Variants in CCL3L3 observed in about 807,000 individuals in gnomAD.
CCL3L3 encodes the protein C-C motif chemokine ligand 3 like 3.
In CCL3L3, 6 loss-of-function variants were observed where a neutral mutation model predicts 9.0. The observed-to-expected ratio is 0.67, with a 90% CI of 0.37 to 1.32. The LOEUF (loss-of-function observed/expected upper bound fraction) is 1.32, where lower values mean the gene tolerates loss of function less well. Ranked by LOEUF, CCL3L3 falls within the 40% of genes most tolerant of loss-of-function variation. The pLI, the probability that CCL3L3 is intolerant of heterozygous loss-of-function variation, is 0.02. For synonymous variants in CCL3L3, 38 were observed against 45.7 expected (o/e 0.83, Z 0.68); for missense variants, 93 against 117.0 (o/e 0.79, Z 0.95).
At chr17:36,196,403 T>C (rs1716292838) in intron 1 of CCL3L3, 195 bp downstream of exon 1, 1 of 772,832 alleles carries the variant, frequency 1.3e-6, no homozygotes, top group African/African-American at 1.6e-5. Flanking sequence ...TAGATTCTCA[T>C]ACCTGGAGAC....
At chr17:36,195,466 T>G (rs2068610574) in intron 2 of CCL3L3, 90 bp from the exon 3 acceptor site, 1 of 1,497,318 alleles carries the variant, frequency 6.7e-7, no homozygotes, top group African/African-American at 1.3e-5. Flanking sequence ...CTCTCTGTCC[T>G]GGGCAGCTCA....
rs201343647 is a variant in CCL3L3, at chr17:36,195,296, A to G, written c.272T>C (p.Leu91Pro). The G allele has an allele frequency of 0.19, 303,264 of 1,556,908 alleles. 10,161 individuals carry two copies. The highest frequency in any genetic ancestry group is 0.36 in the East Asian group (15,158 of 42,316). ...WVQKYVSDLE[L>P]SA ...AAGCTTCTGGACCCCTCAGGCACTC[A>G]GCTCCAGGTCACTGACGTATTTCTG... Residue 91 changes from leucine to proline, a missense_variant, in exon 3 of 3, where the codon CTG (leucine) becomes CCG (proline). Transcript: ENST00000619989.
chr17:36,195,553 C>T, intron 2 of CCL3L3, 177 bp from the exon 3 acceptor site: 1 of 1,079,210 alleles, frequency 9.3e-7, no homozygotes. Context: ...GGCAAGGGGG[C>T]CCTCAGAGTG....
chr17:36,196,725 G>A lies in CCL3L3; in HGVS notation c.-52C>T, dbSNP rs575747417. The A allele has an allele frequency of 2.2e-5, 34 of 1,542,610 alleles. No individual in the cohort carries two copies. In the African/African-American group the frequency reaches 3.9e-4, roughly 18 times the overall value. On this transcript the variant is annotated 5_prime_UTR_variant, in exon 1 of 3. Transcript: ENST00000619989. Reference sequence around the variant, plus strand: ...GCTCGAGTGTCAGCAGAGCCAAGAAGGGACTGACTACTCTTTGCTGCCTGC... The same window carrying A: ...GCTCGAGTGTCAGCAGAGCCAAGAAAGGACTGACTACTCTTTGCTGCCTGC...
At position 36,195,503 on chromosome 17, in the gene CCL3L3, C is replaced by G. The variant is rs1251411838; in HGVS notation, c.192-127G>C. On this transcript the variant is annotated intron_variant, in intron 2 of 2. Transcript: ENST00000619989. ...GGCCTGCTCCTCTCTCAGGGGCCCCCTGCCTATCTCCGTCTAGAGAGCTTC... is the reference window on the plus strand; with the variant it reads ...GGCCTGCTCCTCTCTCAGGGGCCCCGTGCCTATCTCCGTCTAGAGAGCTTC... 4.0e-5 allele frequency: 52 copies of G among 1,311,224 alleles called. 3 individuals are homozygous for G. In the African/African-American group the frequency reaches 6.2e-4, roughly 16 times the overall value. The allele number at this position is 1,311,224 out of a possible 1,614,324, so 81.2% of individuals were successfully genotyped here. A position where few individuals can be genotyped will look rare whatever the true frequency, so the allele number is the denominator to read the frequency against.
chr17:36,196,474 T>C (rs2068622105), intron 1 of CCL3L3, 124 bp downstream of exon 1: 1 of 1,190,508 alleles, frequency 8.4e-7, no homozygotes, highest in Non-Finnish European at 1.2e-6. Flanking sequence ...AAGACCAAGG[T>C]GTTTGGCAGC....
intron 1 of CCL3L3, chr17:36,196,192 C>A (rs1333607761): frequency 3.2e-6 from 2 of 632,082 alleles, no homozygotes; most frequent in African/African-American, 1.7e-5. Context: ...AGAAGTCATA[C>A]CCCAGCCCAA....
At chr17:36,195,540 C>G in intron 2 of CCL3L3, 164 bp from the exon 3 acceptor site, 1 of 1,130,198 alleles carries the variant, frequency 8.8e-7, no homozygotes, top group Admixed American at 1.8e-5. Context: ...CTCAGTGACT[C>G]CAGGCAAGGG....
intron 2 of CCL3L3, 50 bp downstream of exon 2, chr17:36,195,748 C>G: frequency 1.9e-6 from 3 of 1,567,270 alleles, no homozygotes; most frequent in South Asian, 2.2e-5. Context: ...TCTGCCCCCA[C>G]CCTGACACTC....
At position 36,196,580 on chromosome 17, in the gene CCL3L3, A is replaced by C. The variant is rs749551915; in HGVS notation, c.76+18T>G. On this transcript the variant is annotated intron_variant, in intron 1 of 2. Transcript: ENST00000619989. ...TGGCCAGAGAGTGGTGATACCCACAACAACAACATGGACTCACGTGGTGCA... is the reference window on the plus strand; with the variant it reads ...TGGCCAGAGAGTGGTGATACCCACACCAACAACATGGACTCACGTGGTGCA... The C allele has an allele frequency of 4.4e-6, 7 of 1,580,566 alleles. No homozygotes were observed. The East Asian group carries it at 1.6e-4, about 35-fold the overall frequency.
At chr17:36,195,667 G>A in intron 2 of CCL3L3, 131 bp downstream of exon 2, 1 of 1,284,914 alleles carries the variant, frequency 7.8e-7, no homozygotes, top group Non-Finnish European at 1.1e-6. Context: ...TCACACCTCA[G>A]TGCCCTGCGT....
At chr17:36,196,235 A>G in intron 1 of CCL3L3, 1 of 640,270 alleles carries the variant, frequency 1.6e-6, no homozygotes, top group Non-Finnish European at 2.9e-6. Context: ...TAAGACATCC[A>G]AGGGACAGGG....
chr17:36,195,510 T>G (rs1439976219), intron 2 of CCL3L3, 134 bp from the exon 3 acceptor site: 1 of 1,273,740 alleles, frequency 7.9e-7, no homozygotes, highest in African/African-American at 1.4e-5. Flanking sequence ...CCCCTGCCTA[T>G]CTCCGTCTAG....
intron 1 of CCL3L3, 143 bp downstream of exon 1, chr17:36,196,455 G>T (rs1299093395): frequency 2.9e-6 from 3 of 1,052,170 alleles, no homozygotes; most frequent in East Asian, 2.4e-5. Context: ...AATAAAAGTT[G>T]TGAAGAAAAA....
intron 2 of CCL3L3, 189 bp from the exon 3 acceptor site, chr17:36,195,565 C>T (rs1448838389): frequency 1.9e-6 from 2 of 1,031,926 alleles, no homozygotes; most frequent in African/African-American, 2.8e-5. Context: ...CTCAGAGTGT[C>T]CTGCTGCCTC....
intron 1 of CCL3L3, 157 bp downstream of exon 1, chr17:36,196,441 T>C (rs1202375970): frequency 1.0e-6 from 1 of 980,962 alleles, no homozygotes; most frequent in East Asian, 2.5e-5. Context: ...CTTCTAGAGA[T>C]AAAAATAAAA....
chr17:36,196,609 A>G lies in CCL3L3; in HGVS notation c.65T>C (p.Leu22Pro). The G allele has an allele frequency of 6.3e-7, 1 of 1,581,266 alleles. No individual in the cohort carries two copies. Among genetic ancestry groups the G allele is most frequent in the South Asian group, 1.1e-5 (1 of 89,130 alleles). ...LCTMALCNQVLSAPLAADTPT... is the reference protein window; with the variant it reads ...LCTMALCNQVPSAPLAADTPT... ...CAACATGGACTCACGTGGTGCAGAGAGGACCTGGTTGCAGAGAGCCATGGT... is the reference window on the plus strand; with the variant it reads ...CAACATGGACTCACGTGGTGCAGAGGGGACCTGGTTGCAGAGAGCCATGGT... The change falls in exon 1 of 3, where the codon CTC (leucine) becomes CCC (proline). Residue 22 changes from leucine (L) to proline (P), a missense_variant. Physicochemically the swap from Leu to Pro is moderately conservative, Grantham distance 98. Transcript: ENST00000619989.
intron 2 of CCL3L3, 38 bp downstream of exon 2, chr17:36,195,760 C>T: frequency 6.4e-7 from 1 of 1,574,492 alleles, no homozygotes; most frequent in East Asian, 2.2e-5. Context: ...CTGACACTCC[C>T]TACCTCCCTA....
In CCL3L3 at chr17:36,195,400, A is replaced by C. The variant is rs1401022104; in HGVS notation, c.192-24T>G. On this transcript the variant is annotated intron_variant, in intron 2 of 2. Transcript: ENST00000619989. Reference sequence around the variant, plus strand: ...AGCTGTGGAGAAGGGAGGAAGAGTTAAGCACTGGGGAATCCAGCCGGGGAA... The same window carrying C: ...AGCTGTGGAGAAGGGAGGAAGAGTTCAGCACTGGGGAATCCAGCCGGGGAA... 3.9e-5 allele frequency: 61 copies of C among 1,579,038 alleles called. 9 individuals carry two copies. The highest frequency in any genetic ancestry group is 5.3e-5 in the Non-Finnish European group (61 of 1,154,504).
Sources: gnomAD v4.1 joint callset for allele counts on GRCh38, gnomAD v4.1.1 for gene constraint, MANE v1.5 for transcripts, NCBI Gene and HGNC (gene_info 2026-07-23, HGNC 2026-07-21) for gene names.